HHAT: variants seen among roughly 807,000 people sequenced by gnomAD.
HHAT encodes protein-cysteine N-palmitoyltransferase HHAT.
Under a neutral mutation model 70.8 loss-of-function variants are expected in HHAT, and 47 were observed. The observed-to-expected ratio is 0.66, with a 90% CI of 0.53 to 0.85. HHAT has a LOEUF of 0.85. HHAT is among the 40% of genes least tolerant of loss of function. The pLI, the probability that HHAT is intolerant of heterozygous loss-of-function variation, is 0.00. For missense variants in HHAT, 609 were observed against 604.8 expected (o/e 1.01, Z -0.07); for synonymous variants, 228 against 247.6 (o/e 0.92, Z 0.74).
chr1:210,347,149 A>T (rs2086595126), intron 1 of HHAT, among the ~76,000 whole-genome samples: 1 of 152,182 alleles, frequency 6.6e-6, no homozygotes, highest in African/African-American at 2.4e-5. Context: ...AACATCTTTT[A>T]ACCAACATCT....
At chr1:210,373,708 C>T (rs1042783546) in intron 3 of HHAT, among the ~76,000 whole-genome samples, 1 of 152,188 alleles carries the variant, frequency 6.6e-6, no homozygotes, top group African/African-American at 2.4e-5. Flanking sequence ...TTACACCAAG[C>T]TGATCAGTGG....
At chr1:210,380,368 C>T (rs2090538505) in intron 3 of HHAT, among the ~76,000 whole-genome samples, 1 of 152,020 alleles carries the variant, frequency 6.6e-6, no homozygotes, top group South Asian at 2.1e-4. Flanking sequence ...TGGTGAAACC[C>T]TGTCTCTACT....
Position 210,491,417 on chromosome 1 carries a change from G to A in HHAT, c.1008-21736G>A, listed in dbSNP as rs74752113. Among the ~76,000 whole-genome samples the A allele has an allele frequency of 1.2e-4, 19 of 152,258 alleles. No homozygotes were observed. In the East Asian group the frequency reaches 3.7e-3, roughly 29 times the overall value. ...GAGGAGCAAGTTCAGAGAGCTGGTG[G>A]GAAGGCAGTAGTTACGACTTTGAGC... On this transcript the variant is annotated intron_variant, in intron 8 of 11. Coordinates refer to ENST00000261458, the MANE Select transcript of HHAT (RefSeq NM_018194.6).
chr1:210,649,714 G>A (rs545769607), intron 11 of HHAT, among the ~76,000 whole-genome samples: 2 of 152,220 alleles, frequency 1.3e-5, no homozygotes, highest in Admixed American at 6.5e-5. Context: ...CGGGTAATGG[G>A]AAAGCAGAAT....
At position 210,370,718 on chromosome 1, in the gene HHAT, G is replaced by A. The variant is rs144156619; in HGVS notation, c.159+7799G>A. ...CAACCTCCGCCTCCCGGGTTCAAGC[G>A]ATTCTCTTGCCTCAGCCTCCCGAGT... On this transcript the variant is annotated intron_variant, in intron 3 of 11. Coordinates refer to ENST00000261458, the MANE Select transcript of HHAT (RefSeq NM_018194.6). Among the ~76,000 whole-genome samples the A allele has an allele frequency of 6.4e-3, 943 of 147,910 alleles. 9 individuals carry two copies. Among genetic ancestry groups the A allele is most frequent in the African/African-American group, 0.022 (896 of 40,210 alleles).
chr1:210,393,768 G>A (rs2091601982), intron 4 of HHAT, among the ~76,000 whole-genome samples: 1 of 152,148 alleles, frequency 6.6e-6, no homozygotes, highest in African/African-American at 2.4e-5. Flanking sequence ...CCCTCTGTAT[G>A]TGCCTCTCTC....
At chr1:210,614,738 A>C (rs1187855777) in intron 10 of HHAT, among the ~76,000 whole-genome samples, 1 of 152,206 alleles carries the variant, frequency 6.6e-6, no homozygotes, top group Admixed American at 6.5e-5. Context: ...AAAGGACATG[A>C]ACTCATCATT....
intron 9 of HHAT, among the ~76,000 whole-genome samples, chr1:210,522,001 C>A (rs534511060): frequency 6.6e-6 from 1 of 152,300 alleles, no homozygotes; most frequent in South Asian, 2.1e-4. Context: ...TATTTTTAAA[C>A]ACAGAGGTGA....
chr1:210,448,858 C>G (rs1035656620), intron 7 of HHAT, among the ~76,000 whole-genome samples: 3 of 152,332 alleles, frequency 2.0e-5, no homozygotes, highest in Middle Eastern at 3.4e-3. Context: ...ACCTGACTCT[C>G]TATTCCCTAG....
intron 1 of HHAT, chr1:210,329,379 T>G (rs185687417): frequency 8.6e-7 from 1 of 1,163,312 alleles, no homozygotes; most frequent in African/African-American, 1.6e-5. Context: ...TCTCCTTGGC[T>G]TCGTCCCCAG....
chr1:210,569,322 C>T (rs979614612), intron 9 of HHAT, among the ~76,000 whole-genome samples: 2 of 134,628 alleles, frequency 1.5e-5, no homozygotes, highest in Non-Finnish European at 3.1e-5. Flanking sequence ...TGCAGTAAGC[C>T]GAGATTGTGC....
At chr1:210,545,308 C>T (rs185052510) in intron 9 of HHAT, among the ~76,000 whole-genome samples, 2 of 152,282 alleles carry the variant, frequency 1.3e-5, no homozygotes, top group Non-Finnish European at 2.9e-5. Context: ...CCCTTGGATG[C>T]CCATTTTCTC....
intron 9 of HHAT, among the ~76,000 whole-genome samples, chr1:210,529,089 G>T (rs2095284292): frequency 6.6e-6 from 1 of 152,202 alleles, no homozygotes; most frequent in Admixed American, 6.5e-5. Flanking sequence ...CAGATCACCT[G>T]AGGTCAGGAG....
chr1:210,358,569 T>C (rs1399117330), intron 2 of HHAT, among the ~76,000 whole-genome samples: 1 of 152,184 alleles, frequency 6.6e-6, no homozygotes, highest in Non-Finnish European at 1.5e-5. Context: ...ACCGCTAAAT[T>C]CTCCTATCAT....
intron 7 of HHAT, among the ~76,000 whole-genome samples, chr1:210,449,895 G>C (rs2093713583): frequency 6.9e-6 from 1 of 144,280 alleles, no homozygotes; most frequent in Non-Finnish European, 1.6e-5. Context: ...GCTGTGTCGG[G>C]CCACAGGGAC....
At chr1:210,576,817 A>G (rs1192785959) in intron 9 of HHAT, among the ~76,000 whole-genome samples, 1 of 152,158 alleles carries the variant, frequency 6.6e-6, no homozygotes, top group African/African-American at 2.4e-5. Flanking sequence ...GGCACAGCAT[A>G]TCTTTCCATT....
intron 1 of HHAT, 118 bp from the exon 2 acceptor site, chr1:210,348,815 T>C: frequency 1.0e-6 from 1 of 995,064 alleles, no homozygotes; most frequent in Non-Finnish European, 1.4e-6. Flanking sequence ...ATTGGGGTTA[T>C]GTCTGTATCA....
At chr1:210,412,958 C>T (rs1305689367) in intron 6 of HHAT, among the ~76,000 whole-genome samples, 2 of 152,200 alleles carry the variant, frequency 1.3e-5, no homozygotes, top group Non-Finnish European at 2.9e-5. Context: ...TTGGGGCAGC[C>T]AAGGAGTGTG....
chr1:210,661,173 C>G (rs577785186), intron 11 of HHAT, among the ~76,000 whole-genome samples: 1 of 152,194 alleles, frequency 6.6e-6, no homozygotes, highest in South Asian at 2.1e-4. Context: ...ACCCATCTGA[C>G]AAAGGGCTAA....
Sources: gnomAD v4.1 joint callset for allele counts (sites outside exome capture counted in the v4.1 genomes callset) on GRCh38, gnomAD v4.1.1 for gene constraint, MANE v1.5 for transcripts, NCBI Gene and HGNC (gene_info 2026-07-23, HGNC 2026-07-21) for gene names.